The following FSTL4 variants were observed in gnomAD, a reference collection of about 807,000 sequenced individuals.
FSTL4 encodes the protein follistatin-related protein 4.
In FSTL4, 28 loss-of-function variants were observed where a neutral mutation model predicts 78.2. The ratio of observed to expected loss-of-function variants is 0.36; its 90% CI spans 0.27 to 0.49. The LOEUF (loss-of-function observed/expected upper bound fraction) is 0.49. Among genes scored for constraint, FSTL4 ranks in the 20% least tolerant of loss-of-function variants. FSTL4 has a pLI of 0.98. For synonymous variants in FSTL4, 422 were observed against 440.5 expected (o/e 0.96, Z 0.53); for missense variants, 922 against 1,084.9 (o/e 0.85, Z 2.11).
At chr5:133,289,224 C>T (rs534201096) in intron 6 of FSTL4, among the ~76,000 whole-genome samples, 1 of 152,350 alleles carries the variant, frequency 6.6e-6, no homozygotes, top group Admixed American at 6.5e-5. Flanking sequence ...ATCTGCCCAC[C>T]TTTAGCAGGT....
At chr5:133,520,491 C>G (rs1476188960) in intron 3 of FSTL4, among the ~76,000 whole-genome samples, 1 of 152,110 alleles carries the variant, frequency 6.6e-6, no homozygotes, top group Non-Finnish European at 1.5e-5. Flanking sequence ...TTTCATAGGA[C>G]ACAAAGGACC....
At chr5:133,486,610 C>T (rs547333836) in intron 3 of FSTL4, among the ~76,000 whole-genome samples, 1 of 152,268 alleles carries the variant, frequency 6.6e-6, no homozygotes, top group Admixed American at 6.5e-5. Flanking sequence ...ACTCTCATCT[C>T]TTGTGCTAAG....
chr5:133,343,743 T>C (rs1754638109), intron 4 of FSTL4, among the ~76,000 whole-genome samples: 1 of 152,232 alleles, frequency 6.6e-6, no homozygotes, highest in South Asian at 2.1e-4. Flanking sequence ...TAATTCTGTA[T>C]TGTCATTCTG....
At chr5:133,698,293 A>G in the FSTL4 span, among the ~76,000 whole-genome samples, 1 of 152,238 alleles carries the variant, frequency 6.6e-6, no homozygotes, top group African/African-American at 2.4e-5. Flanking sequence ...GCAGGAGAGC[A>G]TCTGTACTGA....
the FSTL4 span, among the ~76,000 whole-genome samples, chr5:133,748,454 C>T: frequency 6.6e-6 from 1 of 151,840 alleles, no homozygotes; most frequent in African/African-American, 2.4e-5. Flanking sequence ...CCCTGTAATC[C>T]CAGCTACTCT....
chr5:133,251,106 C>T (rs951807284), intron 6 of FSTL4, among the ~76,000 whole-genome samples: 1 of 152,248 alleles, frequency 6.6e-6, no homozygotes, highest in African/African-American at 2.4e-5. Flanking sequence ...CTGCTCACTA[C>T]CCTCCCATCT....
At chr5:133,741,637 A>G in the FSTL4 span, among the ~76,000 whole-genome samples, 1 of 152,188 alleles carries the variant, frequency 6.6e-6, no homozygotes, top group African/African-American at 2.4e-5. Flanking sequence ...AGAAAGCCCT[A>G]AGAGAACACA....
chr5:133,656,179 G>T, the FSTL4 span, among the ~76,000 whole-genome samples: 1 of 152,110 alleles, frequency 6.6e-6, no homozygotes, highest in East Asian at 1.9e-4. Flanking sequence ...GAGTGAGAAA[G>T]TGAGACAGGG....
chr5:133,620,693 G>A, the FSTL4 span, among the ~76,000 whole-genome samples: 1 of 152,154 alleles, frequency 6.6e-6, no homozygotes, highest in Non-Finnish European at 1.5e-5. Flanking sequence ...ACTGAGTAAA[G>A]GAATCATCAG....
At chr5:133,465,698 G>C (rs1757693136) in intron 3 of FSTL4, among the ~76,000 whole-genome samples, 1 of 152,214 alleles carries the variant, frequency 6.6e-6, no homozygotes, top group Non-Finnish European at 1.5e-5. Flanking sequence ...CTCAGACTTT[G>C]GTGAGTGGCA....
rs1048806190 is a variant in FSTL4 at position 133,558,543 on chromosome 5, C to G, written c.160+8643G>C. Among the ~76,000 whole-genome samples the G allele has an allele frequency of 3.9e-5, 6 of 152,286 alleles. No homozygotes were observed. The East Asian group carries it at 7.7e-4, about 20-fold the overall frequency. On this transcript the variant is annotated intron_variant, in intron 3 of 15. Transcript: ENST00000265342. ...GTCACTGTCTCCATGGAGCCAGTGC[C>G]CATCCTACCTGCTCATTTCTGGGAC...
chr5:133,783,047 A>T, the FSTL4 span, among the ~76,000 whole-genome samples: 97 of 152,314 alleles, frequency 6.4e-4, no homozygotes, highest in African/African-American at 2.3e-3. Flanking sequence ...CTTCCAACAC[A>T]TAAAACGCTA....
chr5:133,670,497 C>T, the FSTL4 span, among the ~76,000 whole-genome samples: 1 of 152,334 alleles, frequency 6.6e-6, no homozygotes, highest in East Asian at 1.9e-4. Flanking sequence ...GAACAGTGGT[C>T]TAATCAAGGA....
intron 4 of FSTL4, among the ~76,000 whole-genome samples, chr5:133,392,984 C>T (rs761970157): frequency 4.6e-5 from 7 of 152,188 alleles, no homozygotes; most frequent in East Asian, 1.9e-4. Flanking sequence ...TGCACATTTG[C>T]GGGGTGCTCA....
At chr5:133,502,139 T>C (rs1758510404) in intron 3 of FSTL4, among the ~76,000 whole-genome samples, 1 of 152,192 alleles carries the variant, frequency 6.6e-6, no homozygotes, top group Admixed American at 6.5e-5. Flanking sequence ...GAATAAGTCA[T>C]TCCCAATGCT....
the FSTL4 span, among the ~76,000 whole-genome samples, chr5:133,763,118 A>T: frequency 1.3e-5 from 2 of 152,178 alleles, no homozygotes; most frequent in Non-Finnish European, 2.9e-5. Context: ...AGAACCACTC[A>T]TCTCCTCTCC....
At chr5:133,627,151 C>CTTTTTTTTTTTTTTTTT in the FSTL4 span, among the ~76,000 whole-genome samples, 1 of 93,020 alleles carries the variant, frequency 1.1e-5, no homozygotes, top group Non-Finnish European at 2.0e-5. Context: ...CTCTGTGTCT[C>CTTTTTTTTTTTTTTTTT]TTTTTTTTTT....
rs144563071 is a variant in FSTL4 at position 133,382,971 on chromosome 5, C to T, written c.409+17767G>A. ...GGGGGTGGGAGAAGGAGGAACAGAG[C>T]GTGCAACTGCCTGGTGGATATTCAG... On this transcript the variant is annotated intron_variant, in intron 4 of 15. Coordinates refer to ENST00000265342, the MANE Select transcript of FSTL4 (RefSeq NM_015082.2). 1.7e-3 allele frequency among the ~76,000 whole-genome samples: 261 copies of T among 152,172 alleles called. 1 individual carries two copies. The highest frequency in any genetic ancestry group is 0.01 in the Middle Eastern group (3 of 294).
At chr5:133,628,393 C>A in the FSTL4 span, among the ~76,000 whole-genome samples, 53 of 146,826 alleles carry the variant, frequency 3.6e-4, 1 homozygote, top group Middle Eastern at 7.0e-3. Context: ...GAGTTTTGCT[C>A]CTGTTGCCCA....
Sources: gnomAD v4.1 joint callset for allele counts (sites outside exome capture counted in the v4.1 genomes callset) on GRCh38, gnomAD v4.1.1 for gene constraint, MANE v1.5 for transcripts, NCBI Gene and HGNC (gene_info 2026-07-23, HGNC 2026-07-21) for gene names.